RNF212: variants seen among roughly 807,000 people sequenced by gnomAD.
RNF212 encodes the protein probable E3 SUMO-protein ligase RNF212.
RNF212 carries 33 observed loss-of-function variants against 34.7 expected under a neutral mutation model. That is an observed-to-expected ratio of 0.95 (90% CI 0.72 to 1.27). RNF212 has a LOEUF of 1.27. Among genes scored for constraint, RNF212 ranks in the 50% most tolerant of loss-of-function variants. The pLI is 0.00. For synonymous variants in RNF212, 140 were observed against 136.1 expected (o/e 1.03, Z -0.20); for missense variants, 377 against 362.2 (o/e 1.04, Z -0.33).
chr4:1,110,697 TGGAA>T (rs927942209), intron 1 of RNF212, among the ~76,000 whole-genome samples: 1 of 152,194 alleles, frequency 6.6e-6, no homozygotes, highest in Admixed American at 6.5e-5. Flanking sequence ...AGGAAATGCT[TGGAA>T]GGATATACAC....
intron 3 of RNF212, among the ~76,000 whole-genome samples, chr4:1,094,393 CG>C (rs1403540882): frequency 1.3e-5 from 2 of 152,036 alleles, no homozygotes; most frequent in Non-Finnish European, 2.9e-5. Flanking sequence ...CAATGACCTG[CG>C]TCAGAAGCTG....
chr4:1,103,203 T>G (rs1026292247), intron 2 of RNF212, among the ~76,000 whole-genome samples: 1 of 152,178 alleles, frequency 6.6e-6, no homozygotes, highest in South Asian at 2.1e-4. Context: ...TCAAGGAGAA[T>G]TAGGAACTTT....
intron 5 of RNF212, among the ~76,000 whole-genome samples, chr4:1,084,347 AG>A (rs1720833609): frequency 6.6e-6 from 1 of 152,318 alleles, no homozygotes; most frequent in East Asian, 1.9e-4. Context: ...TAAATGTAGG[AG>A]GCTTTGCTGT....
intron 8 of RNF212, among the ~76,000 whole-genome samples, chr4:1,078,762 C>T (rs1473586598): frequency 6.6e-6 from 1 of 152,188 alleles, no homozygotes; most frequent in African/African-American, 2.4e-5. Context: ...CAACACAGAA[C>T]CAACATAGGA....
At chr4:1,104,501 G>A (rs1024980061) in intron 2 of RNF212, among the ~76,000 whole-genome samples, 1 of 152,170 alleles carries the variant, frequency 6.6e-6, no homozygotes, top group African/African-American at 2.4e-5. Flanking sequence ...GGCCAGGCCT[G>A]GAAGTGGTCT....
Position 1,085,780 on chromosome 4 carries a change from G to A in RNF212, c.362+116C>T, listed in dbSNP as rs569687395. The A allele has an allele frequency of 1.9e-4, 147 of 772,664 alleles. 1 individual carries two copies. The highest frequency in any genetic ancestry group is 1.3e-3 in the Admixed American group (67 of 51,934). 47.9% of individuals were successfully genotyped at this position (772,664 alleles called of 1,614,324 possible). The stretch of plus-strand genomic sequence containing the variant: ...ATGAAAGTTTCTGGTAAATGAACGA[G>A]CTCTTCCCTCTGCATCTGCAGTCAT... On this transcript the variant is annotated intron_variant, in intron 5 of 9. Coordinates refer to ENST00000433731, the MANE Select transcript of RNF212 (RefSeq NM_001131034.4).
At chr4:1,091,609 G>A (rs984597824) in intron 3 of RNF212, among the ~76,000 whole-genome samples, 7 of 152,102 alleles carry the variant, frequency 4.6e-5, no homozygotes, top group Non-Finnish European at 5.9e-5. Flanking sequence ...AGGAGGGAGC[G>A]GCCTTGTCTG....
At chr4:1,088,243 G>C (rs754438865) in intron 4 of RNF212, among the ~76,000 whole-genome samples, 12 of 152,186 alleles carry the variant, frequency 7.9e-5, no homozygotes, top group African/African-American at 1.2e-4. Flanking sequence ...TGGAGATAAG[G>C]AATTTATTGG....
At chr4:1,108,875 T>A (rs1298080535) in intron 1 of RNF212, among the ~76,000 whole-genome samples, 1 of 152,088 alleles carries the variant, frequency 6.6e-6, no homozygotes, top group East Asian at 1.9e-4. Flanking sequence ...AATTTTTAAA[T>A]TTTTTTGTAG....
At chr4:1,059,998 G>A (rs944048885) in intron 3 of RNF212, among the ~76,000 whole-genome samples, 1 of 151,642 alleles carries the variant, frequency 6.6e-6, no homozygotes, top group African/African-American at 2.4e-5. Context: ...GGAGGCTGAG[G>A]CAGGAGAATC....
intron 2 of RNF212, among the ~76,000 whole-genome samples, chr4:1,107,079 T>G (rs1412841960): frequency 6.6e-6 from 1 of 151,628 alleles, no homozygotes; most frequent in Admixed American, 6.6e-5. Flanking sequence ...TTAGACTGAG[T>G]CTTGCTCTGT....
At chr4:1,073,503 G>T in intron 9 of RNF212, 96 bp downstream of exon 9, 2 of 970,902 alleles carry the variant, frequency 2.1e-6, no homozygotes, top group South Asian at 2.7e-5. Context: ...CACCCCCTTG[G>T]GTAGGTTCTG....
chr4:1,112,051 T>TA (rs1481172015), intron 1 of RNF212, among the ~76,000 whole-genome samples: 2 of 151,838 alleles, frequency 1.3e-5, no homozygotes, highest in Admixed American at 6.6e-5. Context: ...TGTGAAAAAT[T>TA]AAAAAAATCA....
intron 1 of RNF212, among the ~76,000 whole-genome samples, chr4:1,110,425 G>A (rs1394197635): frequency 6.6e-6 from 1 of 152,078 alleles, no homozygotes; most frequent in African/African-American, 2.4e-5. Context: ...CAGTTTTCAT[G>A]TGCACATCCG....
intron 3 of RNF212, among the ~76,000 whole-genome samples, chr4:1,064,176 C>A (rs1717936679): frequency 6.6e-6 from 1 of 151,988 alleles, no homozygotes; most frequent in Non-Finnish European, 1.5e-5. Flanking sequence ...ATGACAACAC[C>A]ATATTGTTAG....
chr4:1,085,046 G>A (rs550529227), intron 5 of RNF212, among the ~76,000 whole-genome samples: 223 of 152,350 alleles, frequency 1.5e-3, no homozygotes, highest in African/African-American at 5.2e-3. Context: ...CTGCACACAC[G>A]CTGGAGGCTC....
At chr4:1,109,588 A>G (rs1027037792) in intron 1 of RNF212, among the ~76,000 whole-genome samples, 1 of 152,160 alleles carries the variant, frequency 6.6e-6, no homozygotes, top group African/African-American at 2.4e-5. Flanking sequence ...CTGCTGAGTC[A>G]GCAACACTGC....
At chr4:1,079,565 C>G in intron 8 of RNF212, 78 bp downstream of exon 8, 3 of 994,366 alleles carry the variant, frequency 3.0e-6, no homozygotes, top group Non-Finnish European at 4.9e-6. Context: ...CGAGAGGTTA[C>G]GTTTTTCACT....
chr4:1,056,816 C>T (rs1039628210), intron 4 of RNF212: 7 of 986,792 alleles, frequency 7.1e-6, no homozygotes, highest in East Asian at 2.3e-4. Flanking sequence ...CATTTTCTTC[C>T]TGAGGCTGGC....
Sources: allele counts gnomAD v4.1 joint callset (sites outside exome capture counted in the v4.1 genomes callset), GRCh38; gene constraint gnomAD v4.1.1; transcripts MANE v1.5; gene names NCBI Gene and HGNC (gene_info 2026-07-23, HGNC 2026-07-21).